SLC8A1: variants seen among roughly 807,000 people sequenced by gnomAD.
SLC8A1 encodes solute carrier family 8 member A1.
SLC8A1 carries 18 observed loss-of-function variants against 68.3 expected under a neutral mutation model. The observed-to-expected ratio is 0.26, with a 90% CI of 0.18 to 0.39. The LOEUF is 0.39. Ranked by LOEUF, SLC8A1 falls within the 10% of genes least tolerant of loss-of-function variation. SLC8A1 has a pLI of 1.00. For missense variants in SLC8A1, 985 were observed against 1,156.7 expected, an observed-to-expected ratio of 0.85 and a Z score of 2.15; for synonymous variants, 475 against 415.5, an observed-to-expected ratio of 1.14 and a Z score of -1.74.
chr2:40,119,154 A>G (rs538102170), intron 7 of SLC8A1, among the ~76,000 whole-genome samples: 1 of 152,310 alleles, frequency 6.6e-6, no homozygotes, highest in East Asian at 1.9e-4. Context: ...TACTTGTAAT[A>G]ATAATAGGTT....
intron 2 of SLC8A1, among the ~76,000 whole-genome samples, chr2:40,338,569 T>A (rs2192767): frequency 0.18 from 26,985 of 151,996 alleles, 4,241 homozygotes; most frequent in African/African-American, 0.42. Flanking sequence ...ATATGGCATC[T>A]GACCCTACTG....
At chr2:40,134,646 C>T (rs575497132) in intron 7 of SLC8A1, among the ~76,000 whole-genome samples, 2 of 152,266 alleles carry the variant, frequency 1.3e-5, no homozygotes, top group South Asian at 4.1e-4. Context: ...CATCTACTTA[C>T]CTCCCTCAAT....
intron 2 of SLC8A1, among the ~76,000 whole-genome samples, chr2:40,323,179 A>C (rs943096702): frequency 6.6e-6 from 1 of 152,164 alleles, no homozygotes; most frequent in African/African-American, 2.4e-5. Context: ...TTATCATAGA[A>C]AAATTACAAG....
exon 8 of SLC8A1, chr2:40,115,140 G>T: frequency 1.3e-6 from 1 of 774,968 alleles, no homozygotes; most frequent in Non-Finnish European, 1.8e-6. Context: ...CTTGAAGCTG[G>T]ATTCCATCAG....
chr2:40,367,728 GT>G (rs977641804), intron 2 of SLC8A1, among the ~76,000 whole-genome samples: 1 of 151,924 alleles, frequency 6.6e-6, no homozygotes, highest in Non-Finnish European at 1.5e-5. Flanking sequence ...GGCCTATCCA[GT>G]ACAACATGTA....
At chr2:40,159,215 T>C (rs1206606005) in intron 6 of SLC8A1, among the ~76,000 whole-genome samples, 1 of 152,210 alleles carries the variant, frequency 6.6e-6, no homozygotes, top group Non-Finnish European at 1.5e-5. Flanking sequence ...ATCATAAATA[T>C]ACTTTACTTT....
chr2:40,131,455 A>G (rs1403502982), intron 7 of SLC8A1, among the ~76,000 whole-genome samples: 1 of 152,246 alleles, frequency 6.6e-6, no homozygotes, highest in East Asian at 1.9e-4. Flanking sequence ...AAGGGAGCTC[A>G]GAATTCAGAA....
chr2:40,243,900 A>G (rs530241981), intron 2 of SLC8A1, among the ~76,000 whole-genome samples: 1 of 152,322 alleles, frequency 6.6e-6, no homozygotes, highest in East Asian at 1.9e-4. Flanking sequence ...TTATTTCTAA[A>G]ACCTCAAGGG....
At position 40,503,365 on chromosome 2, in the gene SLC8A1, C is replaced by A. The variant is rs141732907; in HGVS notation, c.-25+8984G>T. Among the ~76,000 whole-genome samples, 555 of 152,116 alleles carry A rather than the reference C, an allele frequency of 3.6e-3. 3 individuals are homozygous for A. Among genetic ancestry groups the A allele is most frequent in the Middle Eastern group, 0.014 (4 of 294 alleles). On this transcript the variant is annotated intron_variant, in intron 1 of 7. Coordinates refer to the SLC8A1 transcript ENST00000402441. ...TACTCTAAGTTCTTCAGAACCATGT[C>A]TCCAGCTACTAAATGAACTTGGTAT...
At chr2:40,200,928 A>C (rs904573752) in intron 2 of SLC8A1, among the ~76,000 whole-genome samples, 5 of 151,854 alleles carry the variant, frequency 3.3e-5, no homozygotes, top group African/African-American at 1.2e-4. Context: ...ACAAGTTAAT[A>C]TATTTAATAT....
chr2:40,269,834 C>G (rs752505622), intron 2 of SLC8A1, among the ~76,000 whole-genome samples: 21 of 151,620 alleles, frequency 1.4e-4, no homozygotes, highest in Non-Finnish European at 2.8e-4. Context: ...TTAGGGTACA[C>G]GTGCACAATG....
At chr2:40,221,002 G>C (rs1441180895) in intron 2 of SLC8A1, among the ~76,000 whole-genome samples, 1 of 152,100 alleles carries the variant, frequency 6.6e-6, no homozygotes, top group East Asian at 1.9e-4. Flanking sequence ...CAGAAAAAGA[G>C]GGACTTCTCC....
chr2:40,428,312 C>G (rs960456958), intron 2 of SLC8A1, among the ~76,000 whole-genome samples, 161 bp downstream of exon 2: 1 of 151,894 alleles, frequency 6.6e-6, no homozygotes, highest in Non-Finnish European at 1.5e-5. Flanking sequence ...AACTGGCACC[C>G]AAGCAAAGAC....
rs968364975 is a variant in SLC8A1, at chr2:40,424,699, G to T, written c.1808+3774C>A. 2.0e-5 allele frequency among the ~76,000 whole-genome samples: 3 copies of T among 151,872 alleles called. No homozygotes were observed. In the East Asian group the frequency reaches 5.8e-4, roughly 29 times the overall value. On this transcript the variant is annotated intron_variant, in intron 2 of 7. Coordinates refer to ENST00000406785, the Ensembl canonical transcript of SLC8A1. ...CTCTGGTAAGCTGATATTCTAAGGAGTATATTAAGTAAATAATCTAACTTG... is the reference window on the plus strand; with the variant it reads ...CTCTGGTAAGCTGATATTCTAAGGATTATATTAAGTAAATAATCTAACTTG...
chr2:40,197,119 T>C (rs2053198728), intron 2 of SLC8A1, among the ~76,000 whole-genome samples: 1 of 152,030 alleles, frequency 6.6e-6, no homozygotes, highest in Admixed American at 6.6e-5. Flanking sequence ...TACTGTAGAA[T>C]TGGACCAGGT....
At chr2:40,454,322 G>A (rs1022920837), upstream of SLC8A1, among the ~76,000 whole-genome samples, 1 of 152,164 alleles carries the variant, frequency 6.6e-6, no homozygotes, top group African/African-American at 2.4e-5. Context: ...CACTGGAATA[G>A]ATTTTGTGGA....
exon 8 of SLC8A1, chr2:40,104,095 C>G (rs567348768): frequency 6.6e-6 from 1 of 152,154 alleles, no homozygotes; most frequent in Non-Finnish European, 1.5e-5. Context: ...AAGAGAAAAG[C>G]CTTTGGGTCT....
chr2:40,256,809 C>A (rs924026161), intron 2 of SLC8A1, among the ~76,000 whole-genome samples: 1 of 152,136 alleles, frequency 6.6e-6, no homozygotes, highest in Non-Finnish European at 1.5e-5. Context: ...CCTGCATCCA[C>A]AGGGTTGGGG....
chr2:40,210,929 T>C (rs1361048562), intron 2 of SLC8A1, among the ~76,000 whole-genome samples: 1 of 152,198 alleles, frequency 6.6e-6, no homozygotes, highest in Non-Finnish European at 1.5e-5. Flanking sequence ...CATGCAATTA[T>C]AAAAGAAGAT....
Sources: allele counts gnomAD v4.1 joint callset (sites outside exome capture counted in the v4.1 genomes callset), GRCh38; gene constraint gnomAD v4.1.1; transcripts MANE v1.5; gene names NCBI Gene and HGNC (gene_info 2026-07-23, HGNC 2026-07-21).